Variants in HABP2 observed in about 807,000 individuals in gnomAD.
HABP2 encodes the protein hyaluronan binding protein 2.
In HABP2, 65 loss-of-function variants were observed where a neutral mutation model predicts 66.5. The ratio of observed to expected loss-of-function variants is 0.98; its 90% CI spans 0.80 to 1.20. The LOEUF is 1.20. Ranked by LOEUF, HABP2 falls within the 50% of genes most tolerant of loss-of-function variation. The probability of loss-of-function intolerance (pLI) is 0.00; values close to 1 mark genes in which losing one functional copy is unlikely to be tolerated. For missense variants in HABP2, 786 were observed against 691.0 expected (o/e 1.14, Z -1.54); for synonymous variants, 263 against 253.9 (o/e 1.04, Z -0.34).
chr10:113,569,222 A>G (rs1845257650), intron 2 of HABP2, among the ~76,000 whole-genome samples: 1 of 152,204 alleles, frequency 6.6e-6, no homozygotes, highest in African/African-American at 2.4e-5. Flanking sequence ...TTTAACCCTC[A>G]AGAAACTACC....
At chr10:113,571,920 G>A (rs1845321760) in intron 2 of HABP2, among the ~76,000 whole-genome samples, 1 of 152,186 alleles carries the variant, frequency 6.6e-6, no homozygotes. Flanking sequence ...GCAGACAATA[G>A]GATTAAGTGC....
chr10:113,581,921 T>C lies in HABP2; in HGVS notation c.884T>C (p.Leu295Pro). 6.2e-7 allele frequency: 1 copy of C among 1,614,134 alleles called. No individual in the cohort carries two copies. Among genetic ancestry groups the C allele is most frequent in the Non-Finnish European group, 8.5e-7 (1 of 1,179,944 alleles). Reference sequence around the variant, plus strand: ...AGCCCCACTGAGCCATCAACCAAGCTTCCGGGGTTTGACTCCTGTGGAAAG... The same window carrying C: ...AGCCCCACTGAGCCATCAACCAAGCCTCCGGGGTTTGACTCCTGTGGAAAG... ...EESPTEPSTK[L>P]PGFDSCGKTE... Residue 295 changes from leucine (L) to proline (P), a missense_variant, in exon 9 of 13, where the codon CTT becomes CCT. Transcript: ENST00000351270.
chr10:113,551,343 C>T (rs546664272), upstream of HABP2, among the ~76,000 whole-genome samples: 1 of 152,306 alleles, frequency 6.6e-6, no homozygotes, highest in South Asian at 2.1e-4. Context: ...GAAATGCATG[C>T]AGGGCTTCTG....
rs577297383 is a variant in HABP2, at chr10:113,578,605, A to G, written c.569-22A>G. The G allele has an allele frequency of 3.1e-6, 5 of 1,591,570 alleles. No homozygotes were observed. In the East Asian group the frequency reaches 1.1e-4, roughly 36 times the overall value. On this transcript the variant is annotated intron_variant, in intron 6 of 12. Transcript: ENST00000351270. ...CATGCCAATGGCTGTTGGTTCTCACATTGCTACCTGCTCTCTCGGAGGTTC... is the reference window on the plus strand; with the variant it reads ...CATGCCAATGGCTGTTGGTTCTCACGTTGCTACCTGCTCTCTCGGAGGTTC...
At chr10:113,553,631 G>A (rs113680083) in intron 1 of HABP2, among the ~76,000 whole-genome samples, 7 of 152,374 alleles carry the variant, frequency 4.6e-5, no homozygotes, top group African/African-American at 1.7e-4. Context: ...TATGGCCTTA[G>A]AGGGGAAGCC....
chr10:113,571,509 A>G (rs991905791), intron 2 of HABP2, among the ~76,000 whole-genome samples: 5 of 151,966 alleles, frequency 3.3e-5, no homozygotes, highest in African/African-American at 9.7e-5. Flanking sequence ...TGGCCAAAGC[A>G]TGTCCTAAGG....
chr10:113,568,524 A>C (rs1339298828), intron 2 of HABP2, among the ~76,000 whole-genome samples: 1 of 152,076 alleles, frequency 6.6e-6, no homozygotes, highest in Non-Finnish European at 1.5e-5. Flanking sequence ...AGTTGAAGAG[A>C]AATATATATT....
chr10:113,572,439 A>G (rs1845330880), intron 2 of HABP2, among the ~76,000 whole-genome samples: 1 of 152,218 alleles, frequency 6.6e-6, no homozygotes, highest in Non-Finnish European at 1.5e-5. Context: ...GAGAGATGGG[A>G]GAAATTACAG....
At chr10:113,552,929 G>A, upstream of HABP2, 1 of 532,466 alleles carries the variant, frequency 1.9e-6, no homozygotes, top group South Asian at 2.5e-5. Context: ...CAGCCCCAAA[G>A]TTGCCATTTG....
intron 1 of HABP2, among the ~76,000 whole-genome samples, chr10:113,559,975 C>T (rs539957509): frequency 1.4e-3 from 219 of 152,358 alleles, no homozygotes; most frequent in Admixed American, 4.0e-3. Flanking sequence ...ACACAAGCCA[C>T]TTCACCATGC....
chr10:113,571,611 G>C (rs1383344938), intron 2 of HABP2, among the ~76,000 whole-genome samples: 1 of 152,132 alleles, frequency 6.6e-6, no homozygotes, highest in Non-Finnish European at 1.5e-5. Context: ...GTGCAGGGAG[G>C]GGTGGAGAAT....
intron 4 of HABP2, 100 bp from the exon 5 acceptor site, chr10:113,577,050 G>C: frequency 1.3e-6 from 1 of 752,748 alleles, no homozygotes; most frequent in South Asian, 1.5e-5. Flanking sequence ...CAAGGCTACA[G>C]ACACTGTCAG....
intron 5 of HABP2, 34 bp downstream of exon 5, chr10:113,577,300 T>C (rs1380851673): frequency 1.1e-5 from 12 of 1,101,200 alleles, no homozygotes; most frequent in Non-Finnish European, 1.5e-5. Context: ...CGCTAGACTT[T>C]CTGTGCCCTA....
In HABP2 at chr10:113,565,937, A is replaced by T. The variant is rs74774060; in HGVS notation, c.70-1552A>T. ...TAAATTCAGGGTAACTATTTTTGCC[A>T]AGAGTACTATCTGTTGATATTTTAC... On this transcript the variant is annotated intron_variant, in intron 1 of 12. Transcript: ENST00000351270. Among the ~76,000 whole-genome samples, 606 of 152,346 alleles carry T rather than the reference A, an allele frequency of 4.0e-3. 3 individuals are homozygous for T. Among genetic ancestry groups the T allele is most frequent in the African/African-American group, 0.014 (589 of 41,580 alleles).
Position 113,575,332 on chromosome 10 carries a change from A to C in HABP2, c.224-565A>C, listed in dbSNP as rs565499210. On this transcript the variant is annotated intron_variant, in intron 3 of 12. Transcript: ENST00000351270. ...GCACAGATGAAATATGACAAAATCT[A>C]ACTGAACAAGTAGTTGAAGAAAGAT... 6.6e-5 allele frequency among the ~76,000 whole-genome samples: 10 copies of C among 152,352 alleles called. No homozygotes were observed. In the South Asian group the frequency reaches 2.1e-3, roughly 32 times the overall value.
intron 4 of HABP2, among the ~76,000 whole-genome samples, chr10:113,576,260 A>G (rs1177252842): frequency 2.0e-5 from 3 of 152,174 alleles, no homozygotes; most frequent in African/African-American, 4.8e-5. Context: ...GACTCTAACC[A>G]AGATATATCC....
Position 113,589,541 on chromosome 10 carries a change from C to A in HABP2, c.*1172C>A. ...CATGAAATTAGGCGCCTTGTTTGAG[C>A]TGCGTTTCACACTTCTTTAGAGCTA... is the stretch of plus-strand genomic sequence containing the variant. On this transcript the variant is annotated 3_prime_UTR_variant, in exon 13 of 13. Coordinates refer to ENST00000351270, the MANE Select transcript of HABP2 (RefSeq NM_004132.5). 1 of 1,181,672 alleles carries A rather than the reference C, an allele frequency of 8.5e-7. No individual in the cohort carries two copies. Among genetic ancestry groups the A allele is most frequent in the Non-Finnish European group, 1.2e-6 (1 of 843,072 alleles). 73.2% of individuals were successfully genotyped at this position (1,181,672 alleles called of 1,614,324 possible).
chr10:113,555,500 G>A (rs1056596264), intron 1 of HABP2, among the ~76,000 whole-genome samples: 6 of 152,184 alleles, frequency 3.9e-5, no homozygotes, highest in Non-Finnish European at 7.3e-5. Context: ...AGGATCTGTG[G>A]TCACTATTCA....
At chr10:113,573,510 A>G (rs909276716) in intron 2 of HABP2, among the ~76,000 whole-genome samples, 1 of 152,214 alleles carries the variant, frequency 6.6e-6, no homozygotes. Flanking sequence ...CAGTTGAGCT[A>G]GTGAGATTTA....
Sources: gnomAD v4.1 joint callset for allele counts (sites outside exome capture counted in the v4.1 genomes callset) on GRCh38, gnomAD v4.1.1 for gene constraint, MANE v1.5 for transcripts, NCBI Gene and HGNC (gene_info 2026-07-23, HGNC 2026-07-21) for gene names.